Variants in BLOC1S3 observed in about 807,000 individuals in gnomAD.
BLOC1S3 encodes biogenesis of lysosome-related organelles complex 1 subunit 3.
BLOC1S3 carries 7 observed loss-of-function variants against 9.1 expected under a neutral mutation model. The observed-to-expected ratio is 0.77, with a 90% confidence interval of 0.44 to 1.45. The LOEUF is 1.45. Ranked by LOEUF, BLOC1S3 falls within the 40% of genes most tolerant of loss-of-function variation. The pLI, the probability that BLOC1S3 is intolerant of heterozygous loss-of-function variation, is 0.01. For missense variants in BLOC1S3, 307 were observed against 315.2 expected, an observed-to-expected ratio of 0.97 and a Z score of 0.20; for synonymous variants, 145 against 158.4, an observed-to-expected ratio of 0.92 and a Z score of 0.64.
intron 3 of BLOC1S3, among the ~76,000 whole-genome samples, chr19:45,211,558 A>T (rs148173609): frequency 0.011 from 1,712 of 151,578 alleles, 11 homozygotes; most frequent in Middle Eastern, 0.031. Context: ...CAAAGTGAGG[A>T]AGGTGCACCC....
downstream of BLOC1S3, among the ~76,000 whole-genome samples, chr19:45,182,393 C>T (rs535196568): frequency 7.9e-5 from 12 of 151,138 alleles, no homozygotes; most frequent in Admixed American, 6.6e-4. Context: ...ATAGGCCAGG[C>T]GCAGTTACGC....
At chr19:45,212,788 G>A in intron 3 of BLOC1S3, 1 of 357,818 alleles carries the variant, frequency 2.8e-6, no homozygotes, top group Non-Finnish European at 4.9e-6. Context: ...GAGATAGGGG[G>A]CAGGTCTCAC....
intron 2 of BLOC1S3, among the ~76,000 whole-genome samples, chr19:45,195,964 G>A (rs927692612): frequency 6.6e-6 from 1 of 152,306 alleles, no homozygotes; most frequent in African/African-American, 2.4e-5. Flanking sequence ...GAGCCATTCT[G>A]TTTACTTATA....
Position 45,195,190 on chromosome 19 carries a change from T to C in BLOC1S3, n.181-7216T>C, listed in dbSNP as rs57157368. 8.8e-3 allele frequency among the ~76,000 whole-genome samples: 1,343 copies of C among 152,048 alleles called. 20 individuals are homozygous for C. Among genetic ancestry groups the C allele is most frequent in the African/African-American group, 0.03 (1,263 of 41,450 alleles). ...TCCCAAAGTGCTGGGATTACAGGTG[T>C]GAGCCACCGCGCCTGGCCAATTTTT... is the stretch of plus-strand genomic sequence containing the variant. On this transcript the variant is annotated intron_variant and non_coding_transcript_variant, in intron 2 of 3. Coordinates refer to the BLOC1S3 transcript ENST00000591569.
chr19:45,197,749 T>A (rs1599753739), intron 2 of BLOC1S3, among the ~76,000 whole-genome samples: 2 of 137,616 alleles, frequency 1.5e-5, no homozygotes, highest in African/African-American at 5.6e-5. Flanking sequence ...TGCTTGAACC[T>A]GGGAGATGGT....
At chr19:45,196,386 T>C (rs1969648480) in intron 2 of BLOC1S3, among the ~76,000 whole-genome samples, 1 of 151,684 alleles carries the variant, frequency 6.6e-6, no homozygotes, top group African/African-American at 2.4e-5. Context: ...TCAAATATAA[T>C]GCAACATGGT....
chr19:45,194,898 C>T (rs1278936914), intron 2 of BLOC1S3, among the ~76,000 whole-genome samples: 1 of 150,544 alleles, frequency 6.6e-6, no homozygotes, highest in African/African-American at 2.4e-5. Context: ...TGTGTTCACA[C>T]TAAAAATTTG....
Position 45,207,817 on chromosome 19 carries a change from T to C in BLOC1S3, n.282+5310T>C, listed in dbSNP as rs1456457039. 1.3e-5 allele frequency among the ~76,000 whole-genome samples: 2 copies of C among 152,134 alleles called. 1 individual carries two copies. Among genetic ancestry groups the C allele is most frequent in the East Asian group, 3.8e-4 (2 of 5,204 alleles). On this transcript the variant is annotated intron_variant and non_coding_transcript_variant, in intron 3 of 3. Coordinates refer to the BLOC1S3 transcript ENST00000591569. ...ACGCATACACCTGCATACACACACATGTGCACAGGTACACATAGGAGTGAG... is the reference window on the plus strand; with the variant it reads ...ACGCATACACCTGCATACACACACACGTGCACAGGTACACATAGGAGTGAG...
chr19:45,207,135 C>G (rs1969733314), intron 3 of BLOC1S3, among the ~76,000 whole-genome samples: 1 of 150,810 alleles, frequency 6.6e-6, no homozygotes, highest in Middle Eastern at 3.4e-3. Flanking sequence ...CCGCGCCCAG[C>G]TATTTTATTT....
rs191972346 is a variant in BLOC1S3 at position 45,209,667 on chromosome 19, C to T, written n.283-7009C>T. On this transcript the variant is annotated intron_variant and non_coding_transcript_variant, in intron 3 of 3. Transcript: ENST00000591569. ...CGATCTCCTGATCTCGTGATCCGCC[C>T]GCCTCGGCCTCCCAAAGTGCTGGGA... is the stretch of plus-strand genomic sequence containing the variant. 9.8e-3 allele frequency among the ~76,000 whole-genome samples: 1,494 copies of T among 151,976 alleles called. 33 individuals are homozygous for T. Among genetic ancestry groups the T allele is most frequent in the African/African-American group, 0.034 (1,392 of 41,458 alleles).
In BLOC1S3 at chr19:45,179,344, G is replaced by A. The variant is rs1308580342; in HGVS notation, c.48G>A (p.Thr16=). Residue 16 remains threonine (T), a synonymous_variant, in exon 2 of 2, where the codon ACG becomes ACA. Transcript: ENST00000433642. The surrounding 1 kb of genome is among the most constrained non-coding windows in gnomAD (Gnocchi z 4.6). ...RRRRPLRRPE[T]VVPGEATETD... ...GGAGGCCCCTGCGGAGGCCGGAGAC[G>A]GTGGTGCCGGGGGAGGCGACCGAGA... 6.9e-6 allele frequency: 11 copies of A among 1,586,922 alleles called. No individual in the cohort carries two copies. Among genetic ancestry groups the A allele is most frequent in the Admixed American group, 1.7e-5 (1 of 58,682 alleles).
At chr19:45,189,656 G>T (rs1969591150) in intron 2 of BLOC1S3, among the ~76,000 whole-genome samples, 1 of 150,622 alleles carries the variant, frequency 6.6e-6, no homozygotes, top group Non-Finnish European at 1.5e-5. Flanking sequence ...TGTTGGCCAG[G>T]CTGGTCTCAA....
At chr19:45,204,186 CTTT>C (rs372532919) in intron 3 of BLOC1S3, among the ~76,000 whole-genome samples, 319 of 121,608 alleles carry the variant, frequency 2.6e-3, no homozygotes, top group African/African-American at 8.6e-3. Flanking sequence ...TTTGTTTTGC[CTTT>C]TTTTTTTTTT....
chr19:45,204,636 A>T (rs1226673327), intron 3 of BLOC1S3, among the ~76,000 whole-genome samples: 1 of 152,210 alleles, frequency 6.6e-6, no homozygotes, highest in Non-Finnish European at 1.5e-5. Context: ...TGGCTAGATC[A>T]GCTGCGGCTG....
chr19:45,212,901 T>G (rs1287600628), intron 3 of BLOC1S3: 82 of 699,450 alleles, frequency 1.2e-4, no homozygotes, highest in Middle Eastern at 4.1e-4. Context: ...TGCCTGGCGT[T>G]TGTTTCCCTT....
At chr19:45,194,080 G>C (rs112351195) in intron 2 of BLOC1S3, among the ~76,000 whole-genome samples, 1 of 126,000 alleles carries the variant, frequency 7.9e-6, no homozygotes, top group South Asian at 2.8e-4. Context: ...TGGGATTACA[G>C]GTGTGAGCCA....
In BLOC1S3 at chr19:45,199,556, C is replaced by T. The variant is rs187642996; in HGVS notation, n.181-2850C>T. ...GTCTCAAACTCCTGACCTCGTGATC[C>T]GCTTGCCTCGGCCTCCCAAAGTGCT... On this transcript the variant is annotated intron_variant and non_coding_transcript_variant, in intron 2 of 3. Transcript: ENST00000591569. Among the ~76,000 whole-genome samples the T allele has an allele frequency of 8.9e-4, 135 of 151,830 alleles. 1 individual carries two copies. Among genetic ancestry groups the T allele is most frequent in the East Asian group, 7.2e-3 (37 of 5,118 alleles).
At chr19:45,213,985 C>T (rs551214707) in intron 3 of BLOC1S3, among the ~76,000 whole-genome samples, 7 of 151,652 alleles carry the variant, frequency 4.6e-5, no homozygotes, top group African/African-American at 1.2e-4. Context: ...ACCTTGTACC[C>T]CACTCCCCCT....
intron 3 of BLOC1S3, chr19:45,213,491 C>T (rs1969801383): frequency 3.1e-5 from 31 of 1,006,178 alleles, no homozygotes; most frequent in Middle Eastern, 2.3e-4. Context: ...GTGTCCCCTC[C>T]AGAGCCTTCC....
Sources: allele counts gnomAD v4.1 joint callset (sites outside exome capture counted in the v4.1 genomes callset), GRCh38; gene constraint gnomAD v4.1.1; non-coding constraint Gnocchi (gnomAD v3.1); transcripts MANE v1.5; gene names NCBI Gene and HGNC (gene_info 2026-07-23, HGNC 2026-07-21).